The following EBF1 variants were observed in gnomAD, a reference collection of about 807,000 sequenced individuals.
EBF1 encodes EBF transcription factor 1, also known as transcription factor COE1.
Under a neutral mutation model 68.4 loss-of-function variants are expected in EBF1, and 10 were observed. The ratio of observed to expected loss-of-function variants is 0.15; its 90% confidence interval spans 0.09 to 0.25. The LOEUF (loss-of-function observed/expected upper bound fraction) is 0.25. EBF1 is among the 10% of genes least tolerant of loss of function. EBF1 has a pLI of 1.00. For missense variants in EBF1, 509 were observed against 794.4 expected (o/e 0.64, Z 4.32); for synonymous variants, 298 against 299.8 (o/e 0.99, Z 0.06).
intron 6 of EBF1, among the ~76,000 whole-genome samples, chr5:159,030,662 G>A (rs1768608094): frequency 6.6e-6 from 1 of 152,188 alleles, no homozygotes; most frequent in African/African-American, 2.4e-5. Flanking sequence ...GAATGTGTCT[G>A]GGAAAGAGAA....
intron 6 of EBF1, among the ~76,000 whole-genome samples, chr5:159,053,605 TCACACACACA>T (rs3062333): frequency 1.4e-5 from 2 of 146,304 alleles, no homozygotes; most frequent in African/African-American, 2.6e-5. Flanking sequence ...TCTCTCTCTC[TCACACACACA>T]CACACACACA....
At chr5:158,871,808 GC>G (rs1796919911) in intron 6 of EBF1, among the ~76,000 whole-genome samples, 1 of 152,146 alleles carries the variant, frequency 6.6e-6, no homozygotes, top group Non-Finnish European at 1.5e-5. Flanking sequence ...CTCAGACCTA[GC>G]CTTACGATCC....
At chr5:159,032,984 C>T (rs990724295) in intron 6 of EBF1, among the ~76,000 whole-genome samples, 20 of 152,098 alleles carry the variant, frequency 1.3e-4, no homozygotes, top group African/African-American at 4.8e-4. Context: ...CCCTCCTCTA[C>T]CTTCTCCACC....
chr5:158,731,873 C>T (rs1561770214), intron 10 of EBF1, among the ~76,000 whole-genome samples: 1 of 152,192 alleles, frequency 6.6e-6, no homozygotes, highest in Non-Finnish European at 1.5e-5. Flanking sequence ...GAAGAGCAAA[C>T]CTGGAATAAC....
At chr5:158,797,941 G>A (rs1025578555) in intron 8 of EBF1, among the ~76,000 whole-genome samples, 2 of 152,100 alleles carry the variant, frequency 1.3e-5, no homozygotes, top group Non-Finnish European at 2.9e-5. Context: ...ATACATAGAG[G>A]TTGTGATCAG....
At chr5:158,820,219 G>A (rs1419121510) in intron 8 of EBF1, among the ~76,000 whole-genome samples, 1 of 152,012 alleles carries the variant, frequency 6.6e-6, no homozygotes, top group Non-Finnish European at 1.5e-5. Flanking sequence ...GGTCACAAGA[G>A]GAGAACATGC....
intron 6 of EBF1, among the ~76,000 whole-genome samples, chr5:158,960,098 G>A (rs2127531592): frequency 6.6e-6 from 1 of 152,274 alleles, no homozygotes; most frequent in South Asian, 2.1e-4. Flanking sequence ...TGAACTGAGG[G>A]GGAAGGAAAG....
At chr5:158,975,317 T>TACC (rs1756511582) in intron 6 of EBF1, among the ~76,000 whole-genome samples, 8 of 152,190 alleles carry the variant, frequency 5.3e-5, no homozygotes, top group Admixed American at 5.2e-4. Context: ...TAATACTTAG[T>TACC]ACATACCGTA....
intron 6 of EBF1, among the ~76,000 whole-genome samples, chr5:159,059,633 C>T (rs187299448): frequency 2.6e-5 from 4 of 152,134 alleles, no homozygotes; most frequent in East Asian, 3.9e-4. Flanking sequence ...AGGAATTAAA[C>T]GATGGAATCT....
chr5:158,731,511 T>G (rs906456143), intron 10 of EBF1, among the ~76,000 whole-genome samples: 6 of 152,236 alleles, frequency 3.9e-5, no homozygotes, highest in Middle Eastern at 3.2e-3. Flanking sequence ...ACTCAAGGGC[T>G]TGCCTGGTGG....
intron 6 of EBF1, among the ~76,000 whole-genome samples, chr5:159,066,597 A>G (rs371785869): frequency 2.0e-5 from 3 of 148,974 alleles, no homozygotes; most frequent in Admixed American, 1.3e-4. Flanking sequence ...TTTTTTTTGC[A>G]TGACTCCCCT....
intron 6 of EBF1, among the ~76,000 whole-genome samples, chr5:158,961,600 C>T (rs1181896789): frequency 6.6e-6 from 1 of 151,868 alleles, no homozygotes; most frequent in Non-Finnish European, 1.5e-5. Flanking sequence ...GAAAAAAATA[C>T]AGATGTTAAA....
Position 159,012,958 on chromosome 5 carries a change from G to A in EBF1, c.554+60438C>T, listed in dbSNP as rs148323709. On this transcript the variant is annotated intron_variant, in intron 6 of 15. Coordinates refer to ENST00000313708, the MANE Select transcript of EBF1 (RefSeq NM_024007.5). ...GGCACTGGAAGAAGACGGCGTCTAC[G>A]AGCCAAGGAAAGAGGCCCTCAGAAG... 2.3e-4 allele frequency among the ~76,000 whole-genome samples: 35 copies of A among 152,274 alleles called. No homozygotes were observed. The East Asian group carries it at 6.6e-3, about 29-fold the overall frequency.
At chr5:159,015,625 T>G (rs569799103) in intron 6 of EBF1, among the ~76,000 whole-genome samples, 1 of 152,302 alleles carries the variant, frequency 6.6e-6, no homozygotes, top group Admixed American at 6.5e-5. Flanking sequence ...CTCTGCTCCT[T>G]AACTTCAGGA....
At chr5:159,061,400 G>A (rs1486210948) in intron 6 of EBF1, among the ~76,000 whole-genome samples, 1 of 151,848 alleles carries the variant, frequency 6.6e-6, no homozygotes, top group African/African-American at 2.4e-5. Flanking sequence ...ATTTGATTGT[G>A]GAGATAATTA....
chr5:159,057,634 C>T (rs1342803738), intron 6 of EBF1, among the ~76,000 whole-genome samples: 1 of 152,154 alleles, frequency 6.6e-6, no homozygotes, highest in Non-Finnish European at 1.5e-5. Flanking sequence ...AGGGACTTGG[C>T]TTATGGTCCT....
At chr5:159,042,995 T>C (rs1455945026) in intron 6 of EBF1, among the ~76,000 whole-genome samples, 1 of 152,202 alleles carries the variant, frequency 6.6e-6, no homozygotes, top group Non-Finnish European at 1.5e-5. Context: ...ACATAACTTA[T>C]ATTTTATCAT....
chr5:158,732,970 A>G (rs949491841), intron 10 of EBF1, among the ~76,000 whole-genome samples: 4 of 152,212 alleles, frequency 2.6e-5, no homozygotes, highest in African/African-American at 7.2e-5. Context: ...CTATACTAGT[A>G]TATGAGTTAA....
At chr5:158,718,658 C>T (rs750762199) in intron 11 of EBF1, among the ~76,000 whole-genome samples, 4 of 152,120 alleles carry the variant, frequency 2.6e-5, no homozygotes, top group Admixed American at 6.5e-5. Context: ...CCAAAGTTTC[C>T]ACCGCTGACT....
Sources: allele counts gnomAD v4.1 joint callset (sites outside exome capture counted in the v4.1 genomes callset), GRCh38; gene constraint gnomAD v4.1.1; transcripts MANE v1.5; gene names NCBI Gene and HGNC (gene_info 2026-07-23, HGNC 2026-07-21).